Variants in NBAS observed in about 807,000 individuals in gnomAD.
NBAS encodes NAG/BC035112 fusion.
In NBAS, 219 loss-of-function variants were observed where a neutral mutation model predicts 302.5. The ratio of observed to expected loss-of-function variants is 0.72; its 90% CI spans 0.65 to 0.81. The LOEUF is 0.81. Ranked by LOEUF, NBAS falls within the 30% of genes least tolerant of loss-of-function variation. The probability of loss-of-function intolerance (pLI) is 0.00; values close to 1 mark genes in which losing one functional copy is unlikely to be tolerated. For missense variants in NBAS, 2,932 were observed against 2,841.6 expected (o/e 1.03, Z -0.72); for synonymous variants, 1,118 against 1,021.6 (o/e 1.09, Z -1.80).
At chr2:15,143,894 C>T in the NBAS span, among the ~76,000 whole-genome samples, 1 of 151,372 alleles carries the variant, frequency 6.6e-6, no homozygotes, top group Non-Finnish European at 1.5e-5. Flanking sequence ...TTCTCCTGTG[C>T]TGAATGCTTC....
the NBAS span, among the ~76,000 whole-genome samples, chr2:15,088,636 C>T: frequency 7.2e-5 from 11 of 152,314 alleles, no homozygotes; most frequent in South Asian, 2.1e-4. Context: ...GGGGACCCAG[C>T]GATTTCCTCT....
chr2:15,214,228 T>C (rs1410436691), intron 48 of NBAS, among the ~76,000 whole-genome samples: 2 of 152,236 alleles, frequency 1.3e-5, no homozygotes, highest in African/African-American at 4.8e-5. Context: ...CAAATATTTA[T>C]TGTTTGTGAG....
chr2:15,155,615 T>C, the NBAS span, among the ~76,000 whole-genome samples: 27 of 152,316 alleles, frequency 1.8e-4, no homozygotes, highest in South Asian at 1.9e-3. Flanking sequence ...CAGGAGCAGA[T>C]GGTGTCCTGC....
chr2:15,277,696 AAC>A (rs1201636190), intron 42 of NBAS, among the ~76,000 whole-genome samples: 2 of 152,218 alleles, frequency 1.3e-5, no homozygotes, highest in South Asian at 2.1e-4. Flanking sequence ...ACTTAAATAA[AAC>A]ACATATCTTA....
chr2:15,021,892 T>C, the NBAS span, among the ~76,000 whole-genome samples: 16 of 152,202 alleles, frequency 1.1e-4, no homozygotes, highest in Non-Finnish European at 7.4e-5. Context: ...GTTTAGTCAC[T>C]GGTCATCTCT....
intron 48 of NBAS, among the ~76,000 whole-genome samples, chr2:15,218,150 C>T (rs1211056304): frequency 6.6e-6 from 1 of 152,126 alleles, no homozygotes; most frequent in African/African-American, 2.4e-5. Context: ...CTATTCACAC[C>T]TGCATTTTTC....
chr2:15,136,246 A>T, the NBAS span, among the ~76,000 whole-genome samples: 4 of 152,284 alleles, frequency 2.6e-5, 1 homozygote, highest in Admixed American at 2.6e-4. Flanking sequence ...ATGAGAGTGT[A>T]TTCTTTTATC....
At chr2:15,109,426 T>C in the NBAS span, among the ~76,000 whole-genome samples, 3 of 152,116 alleles carry the variant, frequency 2.0e-5, no homozygotes, top group East Asian at 1.9e-4. Context: ...CCTTACCCCA[T>C]GGGACACTCA....
chr2:14,837,147 AT>A, the NBAS span, among the ~76,000 whole-genome samples: 2 of 151,736 alleles, frequency 1.3e-5, no homozygotes, highest in Admixed American at 1.3e-4. Flanking sequence ...TATAACTTTT[AT>A]TTGTTCCTCT....
the NBAS span, among the ~76,000 whole-genome samples, chr2:15,064,771 C>T: frequency 3.9e-5 from 6 of 152,016 alleles, no homozygotes; most frequent in Non-Finnish European, 8.8e-5. Flanking sequence ...CTACCAAAAA[C>T]GAAACAGAAC....
At chr2:15,270,165 T>G (rs1385535069) in intron 44 of NBAS, among the ~76,000 whole-genome samples, 1 of 152,172 alleles carries the variant, frequency 6.6e-6, no homozygotes, top group Non-Finnish European at 1.5e-5. Context: ...TAAAATAAAT[T>G]AAGTTTAAAA....
the NBAS span, among the ~76,000 whole-genome samples, chr2:14,830,640 G>A: frequency 1.3e-5 from 2 of 152,136 alleles, no homozygotes; most frequent in Non-Finnish European, 2.9e-5. Context: ...TCGTGTAAAT[G>A]AGTAGAAGAA....
the NBAS span, among the ~76,000 whole-genome samples, chr2:14,899,350 C>A: frequency 1.4e-5 from 2 of 143,846 alleles, no homozygotes; most frequent in Non-Finnish European, 3.2e-5. Context: ...CACACAGAAC[C>A]TTTTCACTAA....
chr2:14,986,934 T>C, the NBAS span, among the ~76,000 whole-genome samples: 1 of 152,102 alleles, frequency 6.6e-6, no homozygotes, highest in African/African-American at 2.4e-5. Context: ...ATTTTTTTAA[T>C]TATAAATTCT....
the NBAS span, among the ~76,000 whole-genome samples, chr2:14,854,150 A>G: frequency 2.0e-5 from 3 of 151,940 alleles, no homozygotes; most frequent in Admixed American, 6.5e-5. Flanking sequence ...AACAACATAC[A>G]AAAACCAAAA....
intron 6 of NBAS, among the ~76,000 whole-genome samples, chr2:15,545,811 C>G (rs1664079369): frequency 6.6e-6 from 1 of 152,212 alleles, no homozygotes; most frequent in African/African-American, 2.4e-5. Flanking sequence ...TACTCCAATA[C>G]CAAACCAGGA....
the NBAS span, among the ~76,000 whole-genome samples, chr2:15,113,015 T>C: frequency 5.9e-5 from 9 of 151,802 alleles, no homozygotes; most frequent in Non-Finnish European, 1.0e-4. Context: ...AACATAGACA[T>C]AGTACAATGA....
intron 40 of NBAS, among the ~76,000 whole-genome samples, chr2:15,295,691 G>T (rs115961862): frequency 6.6e-6 from 1 of 152,130 alleles, no homozygotes; most frequent in East Asian, 1.9e-4. Context: ...TAAAACTTCT[G>T]GAGGGCAGAG....
intron 20 of NBAS, 24 bp downstream of exon 20, chr2:15,461,663 T>C (rs369041785): frequency 1.5e-5 from 20 of 1,348,432 alleles, no homozygotes; most frequent in Non-Finnish European, 2.1e-5. Flanking sequence ...ACCATAATTA[T>C]TTTATTTACA....
Sources: allele counts gnomAD v4.1 joint callset (sites outside exome capture counted in the v4.1 genomes callset), GRCh38; gene constraint gnomAD v4.1.1; transcripts MANE v1.5; gene names NCBI Gene and HGNC (gene_info 2026-07-23, HGNC 2026-07-21).